Variants in MAN1A1 observed in about 807,000 individuals in gnomAD.
MAN1A1 encodes mannosidase alpha class 1A member 1.
A neutral mutation model predicts 70.8 loss-of-function variants in MAN1A1; 29 were observed. The observed-to-expected ratio is 0.41, with a 90% CI of 0.31 to 0.56. The LOEUF (loss-of-function observed/expected upper bound fraction) is 0.56. MAN1A1 is among the 20% of genes least tolerant of loss of function. MAN1A1 has a pLI of 0.29. For missense variants in MAN1A1, 747 were observed against 841.3 expected (o/e 0.89, Z 1.39); for synonymous variants, 349 against 330.1 (o/e 1.06, Z -0.62).
intron 6 of MAN1A1, among the ~76,000 whole-genome samples, chr6:119,242,930 T>C (rs1342588198): frequency 6.6e-6 from 1 of 151,874 alleles, no homozygotes; most frequent in African/African-American, 2.4e-5. Flanking sequence ...TGAATTAAAA[T>C]AGATAAAAGA....
At chr6:119,266,824 T>C (rs1775770581) in intron 5 of MAN1A1, among the ~76,000 whole-genome samples, 1 of 152,056 alleles carries the variant, frequency 6.6e-6, no homozygotes, top group South Asian at 2.1e-4. Context: ...AAGAGAAAAT[T>C]TGCAAAACAT....
intron 6 of MAN1A1, among the ~76,000 whole-genome samples, chr6:119,206,703 T>C (rs140865742): frequency 3.0e-4 from 46 of 152,382 alleles, no homozygotes; most frequent in African/African-American, 1.1e-3. Context: ...CAAAGTTTAC[T>C]AACATATGGC....
Position 119,310,073 on chromosome 6 carries a change from T to C in MAN1A1, c.604-3081A>G, listed in dbSNP as rs1397410672. ...CATACTCAGTAAATGTTTGTGAATATAGAAGAGTAAGAAAACTAATTAAAT... is the reference window on the plus strand; with the variant it reads ...CATACTCAGTAAATGTTTGTGAATACAGAAGAGTAAGAAAACTAATTAAAT... On this transcript the variant is annotated intron_variant, in intron 2 of 12. Transcript: ENST00000368468. Among the ~76,000 whole-genome samples the C allele has an allele frequency of 3.3e-5, 5 of 152,328 alleles. No homozygotes were observed. In the East Asian group the frequency reaches 7.7e-4, roughly 24 times the overall value.
At chr6:119,327,377 C>CGTT (rs1562243835) in intron 2 of MAN1A1, 46 of 140,714 alleles carry the variant, frequency 3.3e-4, no homozygotes, top group African/African-American at 1.1e-3. Flanking sequence ...TGAAGCATTC[C>CGTT]GTTTTTTTTT....
intron 11 of MAN1A1, among the ~76,000 whole-genome samples, chr6:119,188,189 T>C (rs3734384): frequency 0.71 from 108,454 of 152,102 alleles, 40,980 homozygotes; most frequent in Non-Finnish European, 0.83. Flanking sequence ...AATATCTAAG[T>C]CTATCAGTAG....
intron 6 of MAN1A1, among the ~76,000 whole-genome samples, chr6:119,211,398 G>T (rs1774046244): frequency 1.3e-5 from 2 of 152,214 alleles, no homozygotes; most frequent in Admixed American, 1.3e-4. Flanking sequence ...ATCAGCAACA[G>T]ATATCTGTGC....
chr6:119,268,572 G>T (rs531492830), intron 5 of MAN1A1, among the ~76,000 whole-genome samples: 8 of 152,084 alleles, frequency 5.3e-5, no homozygotes, highest in African/African-American at 1.9e-4. Context: ...CAAGGTAACT[G>T]GCTCTTCTTA....
At chr6:119,253,434 T>C (rs1775379165) in intron 5 of MAN1A1, among the ~76,000 whole-genome samples, 1 of 152,210 alleles carries the variant, frequency 6.6e-6, no homozygotes, top group Non-Finnish European at 1.5e-5. Flanking sequence ...CTTCAAAAGT[T>C]GAACAAATTG....
chr6:119,192,217 T>C (rs1161949425), intron 9 of MAN1A1, among the ~76,000 whole-genome samples: 1 of 152,186 alleles, frequency 6.6e-6, no homozygotes, highest in Non-Finnish European at 1.5e-5. Context: ...TTAAAATGTC[T>C]GCCAGTATGG....
chr6:119,212,728 T>C (rs901139863), intron 6 of MAN1A1, among the ~76,000 whole-genome samples: 3 of 152,192 alleles, frequency 2.0e-5, no homozygotes, highest in Non-Finnish European at 2.9e-5. Flanking sequence ...CTAATTAAAC[T>C]TCTATAAAAT....
At chr6:119,322,244 G>A (rs925908132) in intron 2 of MAN1A1, among the ~76,000 whole-genome samples, 1 of 152,178 alleles carries the variant, frequency 6.6e-6, no homozygotes, top group African/African-American at 2.4e-5. Context: ...GTGTACAGCT[G>A]TATGTCTGTG....
rs775026218 is a variant in MAN1A1 at position 119,201,264 on chromosome 6, C to T, written c.1200G>A (p.Gln400=). ...AATCTTCTGACTTACGTTGACCCCA[C>T]TGTCCACTACTGGGATTCAGATAGT... ...YPNYLNPSSG[Q]WGQHHVSVGG... Residue 400 remains glutamine (Q), a synonymous_variant, in exon 8 of 13, where the codon CAG becomes CAA. Transcript: ENST00000368468. 1 of 1,612,382 alleles carries T rather than the reference C, an allele frequency of 6.2e-7. No individual in the cohort carries two copies. Among genetic ancestry groups the T allele is most frequent in the East Asian group, 2.2e-5 (1 of 44,856 alleles).
At chr6:119,192,295 C>T (rs549638719) in intron 9 of MAN1A1, among the ~76,000 whole-genome samples, 5 of 152,234 alleles carry the variant, frequency 3.3e-5, no homozygotes, top group African/African-American at 1.2e-4. Context: ...TCTGAAACCT[C>T]ACAGCAATGA....
At chr6:119,200,667 G>T (rs984382179) in intron 8 of MAN1A1, among the ~76,000 whole-genome samples, 3 of 152,110 alleles carry the variant, frequency 2.0e-5, no homozygotes, top group African/African-American at 7.2e-5. Flanking sequence ...GCTCAAAATC[G>T]TCTGAAGAGT....
intron 5 of MAN1A1, among the ~76,000 whole-genome samples, chr6:119,277,444 C>T (rs1776096572): frequency 6.6e-6 from 1 of 152,174 alleles, no homozygotes. Context: ...GCACCTAATT[C>T]CCAGACCATA....
chr6:119,261,611 A>G (rs1167446279), intron 5 of MAN1A1, among the ~76,000 whole-genome samples: 1 of 152,230 alleles, frequency 6.6e-6, no homozygotes, highest in African/African-American at 2.4e-5. Context: ...AATACTATGA[A>G]TACTCCACAA....
chr6:119,318,796 T>C (rs575452074), intron 2 of MAN1A1, among the ~76,000 whole-genome samples: 1 of 152,338 alleles, frequency 6.6e-6, no homozygotes, highest in Admixed American at 6.5e-5. Context: ...CTAAAAGTTC[T>C]TTCCTTTGAA....
chr6:119,304,407 A>G (rs535286157), intron 3 of MAN1A1, among the ~76,000 whole-genome samples: 13 of 152,288 alleles, frequency 8.5e-5, no homozygotes, highest in Non-Finnish European at 1.5e-4. Flanking sequence ...AGTTATTAAG[A>G]GCCTTAAGTT....
chr6:119,227,973 C>T (rs1774566135), intron 6 of MAN1A1, among the ~76,000 whole-genome samples: 1 of 152,072 alleles, frequency 6.6e-6, no homozygotes, highest in South Asian at 2.1e-4. Flanking sequence ...TATTTCATTG[C>T]TCTGTTCATT....
Sources: gnomAD v4.1 joint callset for allele counts (sites outside exome capture counted in the v4.1 genomes callset) on GRCh38, gnomAD v4.1.1 for gene constraint, MANE v1.5 for transcripts, NCBI Gene and HGNC (gene_info 2026-07-23, HGNC 2026-07-21) for gene names.